ARHGAP45: variants seen among roughly 807,000 people sequenced by gnomAD.
ARHGAP45 encodes the protein Rho GTPase activating protein 45, also known as rho GTPase-activating protein 45.
A neutral mutation model predicts 116.1 loss-of-function variants in ARHGAP45; 56 were observed. The ratio of observed to expected loss-of-function variants is 0.48; its 90% confidence interval spans 0.39 to 0.60. ARHGAP45 has a LOEUF of 0.60. ARHGAP45 is among the 20% of genes least tolerant of loss of function. The pLI is 0.00. For missense variants in ARHGAP45, 1,622 were observed against 1,601.0 expected (o/e 1.01, Z -0.22); for synonymous variants, 866 against 701.7 (o/e 1.23, Z -3.70).
At position 1,069,059 on chromosome 19, in the gene ARHGAP45, G is replaced by T. The variant is rs925204047; in HGVS notation, c.421+315G>T. On this transcript the variant is annotated intron_variant, in intron 2 of 22. Coordinates refer to ENST00000313093, the MANE Select transcript of ARHGAP45 (RefSeq NM_012292.5). This position sits in a 1 kb window ranked among gnomAD's most constrained non-coding sequence, Gnocchi z 4.1. ...ACGGAAACAGAGAATGCATTTGGGG[G>T]CCAAGGTGTGGGGTGCCGCTGGTGT... 2.6e-5 allele frequency among the ~76,000 whole-genome samples: 4 copies of T among 152,126 alleles called. No homozygotes were observed. Among genetic ancestry groups the T allele is most frequent in the African/African-American group, 7.2e-5 (3 of 41,426 alleles).
chr19:1,083,013 C>G lies in ARHGAP45; in HGVS notation c.2691C>G (p.Asp897Glu), dbSNP rs577875328. ...GTCGGCTGCGGGAGCTCCTGCGGGA[C>G]CTGCCGCCTGAGAACCGGGCCTCGC... ...LAGRLRELLR[D>E]LPPENRASLQ... Residue 897 changes from aspartate (D) to glutamate (E), a missense_variant, in exon 20 of 23, where the codon GAC becomes GAG. This residue lies in a region of ARHGAP45 where 1,334 missense variants were observed against 1,263.8 expected (regional missense o/e 1.06). Coordinates refer to ENST00000313093, the MANE Select transcript of ARHGAP45 (RefSeq NM_012292.5). The G allele has an allele frequency of 6.5e-7, 1 of 1,545,016 alleles. No individual in the cohort carries two copies.
At position 1,068,469 on chromosome 19, in the gene ARHGAP45, C is replaced by A. The variant is rs979781600; in HGVS notation, c.146C>A (p.Pro49Gln). The A allele has an allele frequency of 2.5e-6, 4 of 1,582,858 alleles. No homozygotes were observed. Among genetic ancestry groups the A allele is most frequent in the South Asian group, 2.3e-5 (2 of 87,526 alleles). Reference protein sequence around the residue: ...DAVFPGPSLEPPAGSSGVKAT... With the variant: ...DAVFPGPSLEQPAGSSGVKAT... ...GTGTTCCCCGGACCAAGCCTGGAGC[C>A]GCCCGCTGGGTCCTCCGGCGTCAAG... The change falls in exon 2 of 23, where the codon CCG becomes CAG. Residue 49 changes from proline (P) to glutamine (Q), a missense_variant. Pro to Gln is a moderately conservative substitution (Grantham distance 76). Transcript: ENST00000313093. The surrounding 1 kb of genome is among the most constrained non-coding windows in gnomAD (Gnocchi z 7.5).
chr19:1,072,384 T>C (rs2043157129), intron 2 of ARHGAP45, among the ~76,000 whole-genome samples: 2 of 152,172 alleles, frequency 1.3e-5, no homozygotes, highest in Non-Finnish European at 2.9e-5. Flanking sequence ...CTTCTTCCAA[T>C]TGAGAACGTT....
At chr19:1,075,959 C>A (rs2043238336) in intron 10 of ARHGAP45, among the ~76,000 whole-genome samples, 1 of 152,162 alleles carries the variant, frequency 6.6e-6, no homozygotes, top group Non-Finnish European at 1.5e-5. Flanking sequence ...TGTTCTGCTC[C>A]TGATTTTTAT....
Position 1,080,780 on chromosome 19 carries a change from G to T in ARHGAP45, c.2011G>T (p.Glu671Ter). ...PDGGAGASAF[E>*]QADLNGMTPE... ...CGGTGGAGCCGGGGCTTCAGCCTTT[G>T]AGCAGGGTGAGGGTCCCCTGACGGG... Residue 671 changes from glutamate to a stop codon, truncating the protein, a stop_gained, in exon 16 of 23, where the codon GAG (glutamate) becomes TAG (stop). Transcript: ENST00000313093. LOFTEE classifies it high-confidence loss of function. 1 of 1,613,354 alleles carries T rather than the reference G, an allele frequency of 6.2e-7. No individual in the cohort carries two copies. Among genetic ancestry groups the T allele is most frequent in the Non-Finnish European group, 8.5e-7 (1 of 1,179,960 alleles).
At chr19:1,072,599 C>T (rs1158041727) in intron 2 of ARHGAP45, among the ~76,000 whole-genome samples, 1 of 152,194 alleles carries the variant, frequency 6.6e-6, no homozygotes, top group African/African-American at 2.4e-5. Context: ...GATCTGACCT[C>T]CTCTGTTCTA....
At chr19:1,084,153 T>C in intron 21 of ARHGAP45, 85 bp from the exon 22 acceptor site, 12 of 1,286,010 alleles carry the variant, frequency 9.3e-6, no homozygotes, top group South Asian at 8.3e-5. Flanking sequence ...CAGTAGCTGT[T>C]ACGGGCTGTG....
chr19:1,075,604 C>T (rs1200837038), intron 10 of ARHGAP45, among the ~76,000 whole-genome samples: 1 of 151,696 alleles, frequency 6.6e-6, no homozygotes, highest in African/African-American at 2.4e-5. Flanking sequence ...GACGCCGGCG[C>T]CTTTTTGTTT....
chr19:1,076,789 G>A (rs185185231), intron 10 of ARHGAP45, among the ~76,000 whole-genome samples: 3 of 152,172 alleles, frequency 2.0e-5, no homozygotes, highest in African/African-American at 7.2e-5. Flanking sequence ...AAGACACCGT[G>A]CTTGGCTAAT....
chr19:1,079,883 G>C (rs373114980), intron 12 of ARHGAP45, 43 bp downstream of exon 12: 253 of 1,591,788 alleles, frequency 1.6e-4, no homozygotes, highest in Non-Finnish European at 2.1e-4. Context: ...ATGGTGGACC[G>C]GGCGGCCTCC....
chr19:1,077,680 C>T (rs935605993), intron 10 of ARHGAP45, 177 bp from the exon 11 acceptor site: 13 of 1,465,450 alleles, frequency 8.9e-6, no homozygotes, highest in Non-Finnish European at 1.0e-5. Flanking sequence ...GCCACCGCGC[C>T]CGGCCACTCC....
chr19:1,072,670 C>T (rs924262459), intron 2 of ARHGAP45, among the ~76,000 whole-genome samples: 10 of 152,220 alleles, frequency 6.6e-5, no homozygotes, highest in South Asian at 2.1e-4. Flanking sequence ...CTCTGCCTGG[C>T]GTTCTCACGC....
chr19:1,078,622 G>A (rs1170265861), intron 11 of ARHGAP45, among the ~76,000 whole-genome samples: 1 of 148,824 alleles, frequency 6.7e-6, no homozygotes, highest in African/African-American at 2.5e-5. Context: ...TCTTGGCCAG[G>A]TTGGTCTCAA....
rs868621478 is a variant in ARHGAP45, at chr19:1,086,258, C to A, written c.*252C>A. Reference sequence around the variant, plus strand: ...CAGCTGAGCTGGGGAACACTGCTGTCGTGTGAAGTCACAGTGGCCTTGTTG... The same window carrying A: ...CAGCTGAGCTGGGGAACACTGCTGTAGTGTGAAGTCACAGTGGCCTTGTTG... On this transcript the variant is annotated 3_prime_UTR_variant, in exon 23 of 23. Transcript: ENST00000313093. The A allele has an allele frequency of 4.0e-6, 2 of 495,468 alleles. No individual in the cohort carries two copies. Among genetic ancestry groups the A allele is most frequent in the South Asian group, 4.9e-5 (2 of 40,578 alleles). 30.7% of individuals were successfully genotyped at this position (495,468 alleles called of 1,614,324 possible).
chr19:1,084,299 A>G lies in ARHGAP45; in HGVS notation c.3017A>G (p.Glu1006Gly), dbSNP rs779742057. 3 of 1,612,546 alleles carry G rather than the reference A, an allele frequency of 1.9e-6. No homozygotes were observed. Among genetic ancestry groups the G allele is most frequent in the Middle Eastern group, 1.7e-4 (1 of 5,868 alleles). Residue 1006 changes from glutamate to glycine, a missense_variant, in exon 22 of 23, where the codon GAG (glutamate) becomes GGG (glycine). Coordinates refer to ENST00000313093, the MANE Select transcript of ARHGAP45 (RefSeq NM_012292.5). ...CAGGTGCCGTACCTGGAGGCGGGCGAGGCGGTGGTCTACCCGCTGCAGGAG... is the reference window on the plus strand; with the variant it reads ...CAGGTGCCGTACCTGGAGGCGGGCGGGGCGGTGGTCTACCCGCTGCAGGAG... ...VVQVPYLEAG[E>G]AVVYPLQEAA... is the part of the protein sequence containing the mutation.
chr19:1,078,995 A>G (rs76957023), intron 11 of ARHGAP45, among the ~76,000 whole-genome samples: 50,053 of 151,338 alleles, frequency 0.33, 8,428 homozygotes, highest in African/African-American at 0.39. Flanking sequence ...CCTGGCTAAC[A>G]GGGTGAAACC....
chr19:1,082,429 G>T, intron 19 of ARHGAP45: 1 of 314,990 alleles, frequency 3.2e-6, no homozygotes, highest in Non-Finnish European at 5.9e-6. Flanking sequence ...GGCGAGGCTG[G>T]GGCCAGGGGC....
chr19:1,072,997 G>A (rs928775699), intron 2 of ARHGAP45, 152 bp from the exon 3 acceptor site: 38 of 904,428 alleles, frequency 4.2e-5, no homozygotes, highest in East Asian at 5.1e-5. Flanking sequence ...TGCCCTCCCC[G>A]CGGTCTCGAA....
rs1364263231 is a variant in ARHGAP45 at position 1,069,602 on chromosome 19, C to T, written c.421+858C>T. Among the ~76,000 whole-genome samples, 2 of 152,204 alleles carry T rather than the reference C, an allele frequency of 1.3e-5. No homozygotes were observed. The highest frequency in any genetic ancestry group is 1.5e-5 in the Non-Finnish European group (1 of 68,022). On this transcript the variant is annotated intron_variant, in intron 2 of 22. Transcript: ENST00000313093. The surrounding 1 kb of genome is among the most constrained non-coding windows in gnomAD (Gnocchi z 4.1). ...AGTGGTGGAGTGGCCTCTGCACCTT[C>T]AGGGCACTAGTTGGGGAAGGCCCGG...
Sources: gnomAD v4.1 joint callset for allele counts (sites outside exome capture counted in the v4.1 genomes callset) on GRCh38, gnomAD v4.1.1 for gene constraint, gnomAD v4.1.1 regional missense constraint, Gnocchi (gnomAD v3.1) non-coding constraint, MANE v1.5 for transcripts, NCBI Gene and HGNC (gene_info 2026-07-23, HGNC 2026-07-21) for gene names.